The following STIP1 variants were observed in gnomAD, a reference collection of about 807,000 sequenced individuals.
STIP1 encodes stress-induced-phosphoprotein 1.
STIP1 carries 16 observed loss-of-function variants against 77.4 expected under a neutral mutation model. That is an observed-to-expected ratio of 0.21 (90% CI 0.14 to 0.31). STIP1 has a LOEUF of 0.31. Ranked by LOEUF, STIP1 falls within the 10% of genes least tolerant of loss-of-function variation. STIP1 has a pLI of 1.00. For missense variants in STIP1, 524 were observed against 684.8 expected (o/e 0.77, Z 2.62); for synonymous variants, 258 against 246.6 (o/e 1.05, Z -0.44).
At chr11:64,191,554 C>G (rs1001306366) in intron 1 of STIP1, among the ~76,000 whole-genome samples, 1 of 152,176 alleles carries the variant, frequency 6.6e-6, no homozygotes, top group East Asian at 1.9e-4. Context: ...TGCCGTGAGG[C>G]AAGATTGTGC....
At chr11:64,186,110 T>G (rs2134774562), upstream of STIP1, 2 of 1,550,406 alleles carry the variant, frequency 1.3e-6, no homozygotes, top group African/African-American at 1.4e-5. Context: ...GCACAGACAT[T>G]CCCCCTAGAA....
chr11:64,185,705 T>C (rs1336593336), upstream of STIP1: 3 of 1,364,622 alleles, frequency 2.2e-6, no homozygotes, highest in Middle Eastern at 2.0e-4. Flanking sequence ...GGTACTCCCA[T>C]ATATCAGGGG....
chr11:64,199,632 G>A (rs1316323578), intron 8 of STIP1, among the ~76,000 whole-genome samples: 9 of 145,150 alleles, frequency 6.2e-5, no homozygotes, highest in African/African-American at 1.5e-4. Context: ...GCGCGATCTC[G>A]GCTCACTGCA....
intron 4 of STIP1, among the ~76,000 whole-genome samples, chr11:64,195,274 C>A (rs944938304): frequency 1.3e-5 from 2 of 152,092 alleles, no homozygotes; most frequent in Non-Finnish European, 2.9e-5. Flanking sequence ...CCACCACGCC[C>A]AGCTAATTTT....
intron 1 of STIP1, among the ~76,000 whole-genome samples, chr11:64,188,176 C>T (rs1393050306): frequency 1.3e-5 from 2 of 151,952 alleles, no homozygotes; most frequent in Admixed American, 6.5e-5. Flanking sequence ...GTGAAACCCC[C>T]TCTCTACTAA....
chr11:64,187,117 T>A (rs1209983563), intron 1 of STIP1, among the ~76,000 whole-genome samples: 6 of 152,158 alleles, frequency 3.9e-5, no homozygotes, highest in Non-Finnish European at 1.5e-5. Flanking sequence ...CTGGAAGTTA[T>A]GGGCCTCTAC....
rs1335187499 is a variant in STIP1, at chr11:64,186,216, G to T, written c.-46G>T. 2.6e-6 allele frequency: 4 copies of T among 1,550,838 alleles called. No homozygotes were observed. In the African/African-American group the frequency reaches 4.1e-5, roughly 16 times the overall value. ...AGGCGGCGCGTGCGGTTGGGAACGC[G>T]GAGCGGACGGATTCGATTCAACGGG... On this transcript the variant is annotated 5_prime_UTR_variant, in exon 1 of 14. Coordinates refer to ENST00000305218, the MANE Select transcript of STIP1 (RefSeq NM_006819.3).
At chr11:64,196,411 AAAAG>A (rs1565280851) in intron 5 of STIP1, among the ~76,000 whole-genome samples, 1 of 151,752 alleles carries the variant, frequency 6.6e-6, no homozygotes, top group Non-Finnish European at 1.5e-5. Context: ...AAAAAAAAAA[AAAAG>A]CTTCACAAGA....
At chr11:64,186,009 CG>C, upstream of STIP1, 5 of 1,543,182 alleles carry the variant, frequency 3.2e-6, no homozygotes, top group Non-Finnish European at 4.4e-6. Context: ...TCCTGAGGTG[CG>C]GGGGAGGCAG....
At chr11:64,194,356 C>G (rs1946124743) in intron 3 of STIP1, 26 bp downstream of exon 3, 1 of 1,612,286 alleles carries the variant, frequency 6.2e-7, no homozygotes, top group Non-Finnish European at 8.5e-7. Flanking sequence ...AGTTTTCTTT[C>G]TTATTATTAA....
At chr11:64,201,028 C>G (rs1946214086) in intron 10 of STIP1, among the ~76,000 whole-genome samples, 2 of 138,248 alleles carry the variant, frequency 1.4e-5, no homozygotes, top group South Asian at 4.5e-4. Context: ...CGCTTGGCCC[C>G]CTTTTTTTAA....
Position 64,204,087 on chromosome 11 carries a change from C to T in STIP1, c.1593C>T (p.Ile531=). The change falls in exon 14 of 14, where the codon ATC becomes ATT. Residue 531 remains isoleucine (I), a synonymous_variant. Coordinates refer to ENST00000305218, the MANE Select transcript of STIP1 (RefSeq NM_006819.3). The part of the protein sequence containing the change: ...HLKNPVIAQK[I]QKLMDVGLIA... ...AGAATCCTGTAATAGCACAGAAGAT[C>T]CAGAAGCTGATGGATGTGGGTCTGA... is the stretch of plus-strand genomic sequence containing the variant. 2 of 1,614,168 alleles carry T rather than the reference C, an allele frequency of 1.2e-6. No homozygotes were observed. Among genetic ancestry groups the T allele is most frequent in the Non-Finnish European group, 1.7e-6 (2 of 1,180,028 alleles).
At chr11:64,203,694 G>C (rs757418565) in intron 13 of STIP1, 72 bp downstream of exon 13, 5 of 1,588,660 alleles carry the variant, frequency 3.1e-6, no homozygotes, top group African/African-American at 1.3e-5. Context: ...CACGCGGCTG[G>C]GGGGTGGTAT....
Position 64,197,602 on chromosome 11 carries a change from T to C in STIP1, c.902+7T>C. ...ACTATCGACAGATTGCCAAGTAGGC[T>C]CAACCTTCCAGAATACCTTGAGTAG... On this transcript the variant is annotated splice_region_variant and intron_variant, in intron 7 of 13. Coordinates refer to ENST00000305218, the MANE Select transcript of STIP1 (RefSeq NM_006819.3). 1 of 1,614,050 alleles carries C rather than the reference T, an allele frequency of 6.2e-7. No homozygotes were observed. The highest frequency in any genetic ancestry group is 8.5e-7 in the Non-Finnish European group (1 of 1,179,940).
At chr11:64,198,719 A>C (rs897528997) in intron 8 of STIP1, among the ~76,000 whole-genome samples, 1 of 149,112 alleles carries the variant, frequency 6.7e-6, no homozygotes, top group African/African-American at 2.5e-5. Flanking sequence ...AACAGTGACA[A>C]CATGTAGGAA....
Position 64,194,060 on chromosome 11 carries a change from T to C in STIP1, c.220-129T>C, listed in dbSNP as rs529144909. On this transcript the variant is annotated intron_variant, in intron 2 of 13. Coordinates refer to ENST00000305218, the MANE Select transcript of STIP1 (RefSeq NM_006819.3). ...GGCCTCGTAGCCTACTCCTCTCCTT[T>C]TTTTCTCTTTGGCCTTCATGTGAAT... 2.2e-6 allele frequency: 3 copies of C among 1,338,516 alleles called. No homozygotes were observed. The South Asian group carries it at 4.3e-5, about 19-fold the overall frequency. The allele number at this position is 1,338,516 out of a possible 1,614,324, so 82.9% of individuals were successfully genotyped here. A position where few individuals can be genotyped will look rare whatever the true frequency, so the allele number is the denominator to read the frequency against.
intron 5 of STIP1, among the ~76,000 whole-genome samples, chr11:64,196,527 A>G (rs924320191): frequency 4.6e-5 from 7 of 151,954 alleles, no homozygotes; most frequent in African/African-American, 1.5e-4. Context: ...TGTTGGTCCT[A>G]GCAAGACTGG....
intron 12 of STIP1, 31 bp downstream of exon 12, chr11:64,203,259 C>A (rs748195570): frequency 6.2e-7 from 1 of 1,610,380 alleles, no homozygotes. Flanking sequence ...CAGGGGCCCC[C>A]CCTGCCTCTT....
chr11:64,202,985 C>T, intron 11 of STIP1, 73 bp downstream of exon 11: 1 of 1,605,292 alleles, frequency 6.2e-7, no homozygotes, highest in East Asian at 2.2e-5. Context: ...AGCCCTTTGT[C>T]TACCTGTGTG....
Sources: gnomAD v4.1 joint callset for allele counts (sites outside exome capture counted in the v4.1 genomes callset) on GRCh38, gnomAD v4.1.1 for gene constraint, MANE v1.5 for transcripts, NCBI Gene and HGNC (gene_info 2026-07-23, HGNC 2026-07-21) for gene names.